The following FAM170A variants were observed in gnomAD, a reference collection of about 807,000 sequenced individuals.
FAM170A encodes protein FAM170A.
In FAM170A, 28 loss-of-function variants were observed where a neutral mutation model predicts 36.6. The observed-to-expected ratio is 0.76, with a 90% confidence interval of 0.57 to 1.05. The LOEUF (loss-of-function observed/expected upper bound fraction) is 1.05, where lower values mean the gene tolerates loss of function less well. Ranked by LOEUF, FAM170A falls within the 50% of genes least tolerant of loss-of-function variation. The pLI is 0.00. For missense variants in FAM170A, 434 were observed against 396.5 expected (o/e 1.09, Z -0.80); for synonymous variants, 156 against 143.9 (o/e 1.08, Z -0.60).
At chr5:119,634,768 G>T in intron 3 of FAM170A, 34 bp downstream of exon 3, 1 of 1,514,256 alleles carries the variant, frequency 6.6e-7, no homozygotes, top group South Asian at 1.3e-5. Context: ...TCTGCTGAGG[G>T]AGCAATGGCT....
exon 3 of FAM170A, chr5:119,634,077 A>G (rs1756317909): frequency 6.2e-6 from 10 of 1,614,006 alleles, no homozygotes; most frequent in East Asian, 2.2e-5. Context: ...TATTCATCCT[A>G]TAAGACTTGT....
chr5:119,633,984 G>A (rs768638581), exon 3 of FAM170A: 1 of 1,613,120 alleles, frequency 6.2e-7, no homozygotes, highest in Non-Finnish European at 8.5e-7. Flanking sequence ...CATCGAGACA[G>A]CCCCCAGCCT....
At chr5:119,630,783 G>C (rs1756233077) in intron 1 of FAM170A, among the ~76,000 whole-genome samples, 1 of 152,142 alleles carries the variant, frequency 6.6e-6, no homozygotes, top group Non-Finnish European at 1.5e-5. Context: ...TCTTTCTCTG[G>C]GGTGACTGAG....
exon 1 of FAM170A, chr5:119,629,638 C>T: frequency 1.5e-6 from 1 of 685,644 alleles, no homozygotes; most frequent in Non-Finnish European, 2.5e-6. Context: ...TTAGCTATCT[C>T]GGAGATTCAA....
intron 1 of FAM170A, among the ~76,000 whole-genome samples, chr5:119,631,645 T>G (rs1165530705): frequency 6.6e-6 from 1 of 152,174 alleles, no homozygotes; most frequent in Non-Finnish European, 1.5e-5. Context: ...TATAGTTATA[T>G]ACACATACCG....
exon 3 of FAM170A, chr5:119,634,673 G>A: frequency 6.3e-7 from 1 of 1,576,378 alleles, no homozygotes; most frequent in Non-Finnish European, 8.6e-7. Context: ...AGAAGACCTT[G>A]GCCTGAGGAG....
intron 1 of FAM170A, among the ~76,000 whole-genome samples, chr5:119,630,126 C>A (rs1263670288): frequency 7.0e-6 from 1 of 142,014 alleles, no homozygotes; most frequent in Non-Finnish European, 1.5e-5. Flanking sequence ...CTCCTGACCT[C>A]CTGATCCGCC....
chr5:119,631,356 A>T (rs1033913649), intron 1 of FAM170A, among the ~76,000 whole-genome samples: 2 of 152,130 alleles, frequency 1.3e-5, no homozygotes, highest in Non-Finnish European at 1.5e-5. Context: ...CCTCTCCTTC[A>T]TCTACCCTTA....
At chr5:119,635,150 A>G (rs972235965) in intron 4 of FAM170A, 64 bp downstream of exon 4, 41 of 1,190,222 alleles carry the variant, frequency 3.4e-5, no homozygotes, top group Non-Finnish European at 4.7e-5. Flanking sequence ...ATCCAAGGGA[A>G]GGAGCTGCAG....
exon 3 of FAM170A, chr5:119,634,123 C>G (rs545520176): frequency 6.2e-7 from 1 of 1,613,966 alleles, no homozygotes; most frequent in Non-Finnish European, 8.5e-7. Context: ...AGGAAAGGGG[C>G]ATGAAAATAT....
At position 119,633,928 on chromosome 5, in the gene FAM170A, C is replaced by T. The variant is rs369692381; in HGVS notation, c.212-32C>T. The T allele has an allele frequency of 4.4e-6, 7 of 1,590,080 alleles. No individual in the cohort carries two copies. In the African/African-American group the frequency reaches 5.4e-5, roughly 12 times the overall value. On this transcript the variant is annotated intron_variant, in intron 2 of 4. Transcript: ENST00000613773. ...CCCTCAGCTCCTAGCATGGCCCATG[C>T]ATCTGCTCATGTTTCTAATTTCCTT... is the stretch of plus-strand genomic sequence containing the variant.
At chr5:119,633,369 C>A (rs115645832) in intron 2 of FAM170A, among the ~76,000 whole-genome samples, 1,547 of 152,188 alleles carry the variant, frequency 0.01, 26 homozygotes, top group African/African-American at 0.036. Flanking sequence ...CCCTGGTGTG[C>A]AGTCAGGCAG....
chr5:119,635,065 G>A (rs1472005098), exon 4 of FAM170A: 1 of 1,613,636 alleles, frequency 6.2e-7, no homozygotes, highest in Non-Finnish European at 8.5e-7. Flanking sequence ...CTGGAAGATG[G>A]TGTGGCCTTC....
Position 119,633,983 on chromosome 5 carries a change from AG to A in FAM170A, c.236del (p.Ser79ThrfsTer41). 4.3e-6 allele frequency: 7 copies of A among 1,612,522 alleles called. No homozygotes were observed. Among genetic ancestry groups the A allele is most frequent in the Non-Finnish European group, 5.9e-6 (7 of 1,178,862 alleles). ...AGGAATCCAGAGAATACATCGAGAC[AG>A]CCCCCAGCCTCAATCACCCCTGGCC... On this transcript the variant is annotated frameshift_variant, in exon 3 of 5. Coordinates refer to ENST00000613773, the Ensembl canonical transcript of FAM170A. LOFTEE classifies it high-confidence loss of function.
exon 1 of FAM170A, chr5:119,629,719 A>G: frequency 7.0e-7 from 1 of 1,422,838 alleles, no homozygotes; most frequent in Non-Finnish European, 9.9e-7. Context: ...TACAGGAAAA[A>G]GTGGGAGGTG....
At chr5:119,633,815 C>T in intron 2 of FAM170A, 145 bp from the exon 3 acceptor site, 1 of 1,060,362 alleles carries the variant, frequency 9.4e-7, no homozygotes, top group South Asian at 1.6e-5. Flanking sequence ...CACTACCCCA[C>T]AATATGAACA....
intron 2 of FAM170A, 116 bp downstream of exon 2, chr5:119,633,004 T>C: frequency 8.2e-7 from 1 of 1,223,152 alleles, no homozygotes. Context: ...CAGTGCTGCT[T>C]GGGTGTAAGA....
chr5:119,634,662 A>T (rs572611039), exon 3 of FAM170A: 1 of 1,596,104 alleles, frequency 6.3e-7, no homozygotes, highest in East Asian at 2.2e-5. Flanking sequence ...CAGCCCACAG[A>T]AGAAGACCTT....
At chr5:119,629,822 C>T (rs763324225) in exon 1 of FAM170A, 14 of 1,613,518 alleles carry the variant, frequency 8.7e-6, no homozygotes, top group African/African-American at 2.7e-5. Flanking sequence ...CCCAGGAAAC[C>T]GCTGAGAAGG....
Sources: allele counts gnomAD v4.1 joint callset (sites outside exome capture counted in the v4.1 genomes callset), GRCh38; gene constraint gnomAD v4.1.1; transcripts MANE v1.5; gene names NCBI Gene and HGNC (gene_info 2026-07-23, HGNC 2026-07-21).